The following SLC26A8 variants were observed in gnomAD, a reference collection of about 807,000 sequenced individuals.
The protein encoded by SLC26A8 is testis anion transporter 1.
SLC26A8 carries 70 observed loss-of-function variants against 105.0 expected under a neutral mutation model. That is an observed-to-expected ratio of 0.67 (90% confidence interval 0.55 to 0.81). SLC26A8 has a LOEUF of 0.81. Ranked by LOEUF, SLC26A8 falls within the 40% of genes least tolerant of loss-of-function variation. The pLI is 0.00. For synonymous variants in SLC26A8, 415 were observed against 438.3 expected (o/e 0.95, Z 0.66); for missense variants, 998 against 1,181.8 (o/e 0.84, Z 2.28).
chr6:35,965,742 G>A (rs2127304814), intron 11 of SLC26A8, among the ~76,000 whole-genome samples: 1 of 150,820 alleles, frequency 6.6e-6, no homozygotes, highest in Admixed American at 6.6e-5. Context: ...TGTAATCCCA[G>A]CACTTTGGGA....
intron 1 of SLC26A8, among the ~76,000 whole-genome samples, chr6:36,023,664 C>T (rs768801435): frequency 6.6e-6 from 1 of 151,844 alleles, no homozygotes; most frequent in South Asian, 2.1e-4. Context: ...GGAATATCTT[C>T]CCCCTGATAT....
intron 5 of SLC26A8, among the ~76,000 whole-genome samples, chr6:35,993,388 G>A (rs1466569620): frequency 6.6e-6 from 1 of 151,972 alleles, no homozygotes; most frequent in Non-Finnish European, 1.5e-5. Context: ...GAGGAATGCA[G>A]CTTTTCACAA....
At chr6:35,948,910 T>C (rs1581620662) in intron 19 of SLC26A8, among the ~76,000 whole-genome samples, 1 of 152,164 alleles carries the variant, frequency 6.6e-6, no homozygotes, top group African/African-American at 2.4e-5. Context: ...TAAACCCTTT[T>C]GTCCTTCCAC....
intron 3 of SLC26A8, among the ~76,000 whole-genome samples, chr6:36,011,028 T>C (rs1007440615): frequency 6.6e-6 from 1 of 152,194 alleles, no homozygotes; most frequent in East Asian, 1.9e-4. Flanking sequence ...TTTTGTGCTA[T>C]CCACAACCTG....
At chr6:35,982,850 A>T (rs1562044279) in intron 7 of SLC26A8, among the ~76,000 whole-genome samples, 1 of 152,184 alleles carries the variant, frequency 6.6e-6, no homozygotes, top group Non-Finnish European at 1.5e-5. Context: ...ACAAAGAAAA[A>T]GTTCTGTAGC....
intron 17 of SLC26A8, among the ~76,000 whole-genome samples, chr6:35,953,825 A>G (rs187190114): frequency 1.3e-5 from 2 of 152,338 alleles, no homozygotes; most frequent in Admixed American, 1.3e-4. Context: ...CCAGACTGCA[A>G]ACCAGAGTTC....
At chr6:36,023,162 T>TATCCATCCATCC (rs68186703) in intron 1 of SLC26A8, among the ~76,000 whole-genome samples, 12,553 of 142,978 alleles carry the variant, frequency 0.088, 655 homozygotes, top group Middle Eastern at 0.19. Flanking sequence ...ATAGTACCCT[T>TATCCATCCATCC]ATCCATCCAT....
At chr6:35,964,860 A>T (rs555631755) in intron 11 of SLC26A8, among the ~76,000 whole-genome samples, 7 of 147,982 alleles carry the variant, frequency 4.7e-5, no homozygotes, top group Non-Finnish European at 1.0e-4. Context: ...CCAGCTACTC[A>T]GGAGGCTGAG....
At chr6:36,009,309 C>T (rs1476245853) in intron 3 of SLC26A8, among the ~76,000 whole-genome samples, 1 of 152,046 alleles carries the variant, frequency 6.6e-6, no homozygotes, top group Non-Finnish European at 1.5e-5. Flanking sequence ...CGAGATCGTG[C>T]CACTGTACTC....
At position 35,944,019 on chromosome 6, in the gene SLC26A8, A is replaced by G; in HGVS notation, c.2794T>C (p.Tyr932His). The part of the protein sequence containing the change: ...TFPQQRYWPM[Y>H]HPSMASTQSQ... The stretch of plus-strand genomic sequence containing the variant: ...TGGGTGGAAGCCATAGACGGATGAT[A>G]CATAGGCCAGTAACGCTGCTGAGGA... Residue 932 changes from tyrosine (Y) to histidine (H), a missense_variant, in exon 20 of 20, where the codon TAT (tyrosine) becomes CAT (histidine). Coordinates refer to ENST00000490799, the MANE Select transcript of SLC26A8 (RefSeq NM_052961.4). 6.2e-7 allele frequency: 1 copy of G among 1,614,128 alleles called. No homozygotes were observed. The highest frequency in any genetic ancestry group is 1.3e-5 in the African/African-American group (1 of 75,016).
intron 19 of SLC26A8, among the ~76,000 whole-genome samples, chr6:35,948,367 T>A (rs895823287): frequency 6.6e-6 from 1 of 152,164 alleles, no homozygotes; most frequent in Non-Finnish European, 1.5e-5. Flanking sequence ...GGTGGGCAGA[T>A]CACCTGAGGT....
chr6:35,999,644 T>C (rs529455357), intron 4 of SLC26A8, among the ~76,000 whole-genome samples: 1 of 152,220 alleles, frequency 6.6e-6, no homozygotes, highest in Non-Finnish European at 1.5e-5. Context: ...TTGGTTATTA[T>C]GGTTCAGATG....
rs1026038576 is a variant in SLC26A8, at chr6:35,959,740, A to C, written c.1705T>G (p.Tyr569Asp). The C allele has an allele frequency of 1.2e-6, 2 of 1,610,528 alleles. No individual in the cohort carries two copies. Among genetic ancestry groups the C allele is most frequent in the Non-Finnish European group, 1.7e-6 (2 of 1,179,250 alleles). The change falls in exon 15 of 20, where the codon TAC becomes GAC. Residue 569 changes from tyrosine to aspartate, a missense_variant. By Grantham distance (160) the Tyr-to-Asp change is radical (BLOSUM62 -3). Coordinates refer to ENST00000490799, the MANE Select transcript of SLC26A8 (RefSeq NM_052961.4). ...TCTTTTAACAGCTTATGCTTTAGGT[A>C]GTAAACATTTACAAATGTAATTGAG... ...CSSITFVNVY[Y>D]LKHKLLKEVD...
At chr6:36,012,696 C>T (rs1328854788) in intron 2 of SLC26A8, among the ~76,000 whole-genome samples, 1 of 152,164 alleles carries the variant, frequency 6.6e-6, no homozygotes, top group Non-Finnish European at 1.5e-5. Flanking sequence ...GCTTCAGAAC[C>T]AAGTGCTATG....
Position 35,971,028 on chromosome 6 carries a change from A to AAACAAC in SLC26A8, c.1288-2080_1288-2075dup, listed in dbSNP as rs368306720. On this transcript the variant is annotated intron_variant, in intron 10 of 19. Coordinates refer to ENST00000490799, the MANE Select transcript of SLC26A8 (RefSeq NM_052961.4). ...GCAACAAGAGCAAAACTCCATCTCA[A>AAACAAC]AACAACAACAACAACAACAACAACA... Among the ~76,000 whole-genome samples the AAACAAC allele has an allele frequency of 3.0e-3, 451 of 151,792 alleles. 1 individual carries two copies. Among genetic ancestry groups the AAACAAC allele is most frequent in the African/African-American group, 0.01 (420 of 41,338 alleles).
chr6:36,020,882 T>G (rs985590726), intron 1 of SLC26A8, among the ~76,000 whole-genome samples: 4 of 152,236 alleles, frequency 2.6e-5, no homozygotes, highest in African/African-American at 9.6e-5. Flanking sequence ...TGGGTGATGC[T>G]GCAGATAAGT....
intron 12 of SLC26A8, 108 bp from the exon 13 acceptor site, chr6:35,961,207 G>A: frequency 2.4e-6 from 2 of 835,370 alleles, no homozygotes; most frequent in Non-Finnish European, 3.7e-6. Flanking sequence ...TACTACACCT[G>A]GGCTTTAGGG....
chr6:36,008,119 CAAA>C (rs35551131), intron 3 of SLC26A8, among the ~76,000 whole-genome samples: 13 of 70,428 alleles, frequency 1.8e-4, no homozygotes, highest in African/African-American at 5.0e-4. Flanking sequence ...GACTCCGTCT[CAAA>C]AAAAAAAAAA....
intron 3 of SLC26A8, among the ~76,000 whole-genome samples, chr6:36,002,412 GCATTTACTAAATAGTGC>G (rs922663836): frequency 3.3e-5 from 5 of 152,112 alleles, no homozygotes; most frequent in African/African-American, 1.2e-4. Flanking sequence ...AACTTCTGGG[GCATTTACTAAATAGTGC>G]CAAACTGTTT....
Sources: allele counts gnomAD v4.1 joint callset (sites outside exome capture counted in the v4.1 genomes callset), GRCh38; gene constraint gnomAD v4.1.1; transcripts MANE v1.5; gene names NCBI Gene and HGNC (gene_info 2026-07-23, HGNC 2026-07-21).